COX10: variants seen among roughly 807,000 people sequenced by gnomAD.
COX10 encodes protoheme IX farnesyltransferase, mitochondrial.
In COX10, 27 loss-of-function variants were observed where a neutral mutation model predicts 37.3. The ratio of observed to expected loss-of-function variants is 0.72; its 90% CI spans 0.53 to 1.00. The LOEUF is 1.00. Ranked by LOEUF, COX10 falls within the 50% of genes least tolerant of loss-of-function variation. COX10 has a pLI of 0.00. For synonymous variants in COX10, 222 were observed against 229.1 expected, an observed-to-expected ratio of 0.97 and a Z score of 0.28; for missense variants, 475 against 563.2, an observed-to-expected ratio of 0.84 and a Z score of 1.59.
At chr17:14,181,696 G>A (rs1346776616) in intron 5 of COX10, among the ~76,000 whole-genome samples, 1 of 152,180 alleles carries the variant, frequency 6.6e-6, no homozygotes, top group Non-Finnish European at 1.5e-5. Context: ...GTATGTGTCT[G>A]TCACGTGGCA....
At chr17:14,073,046 G>T (rs1915061887) in intron 1 of COX10, among the ~76,000 whole-genome samples, 1 of 152,350 alleles carries the variant, frequency 6.6e-6, no homozygotes, top group South Asian at 2.1e-4. Flanking sequence ...TGAACAAATT[G>T]TGAAACGTGT....
chr17:14,078,359 T>C (rs1374841610), intron 3 of COX10, among the ~76,000 whole-genome samples: 1 of 152,172 alleles, frequency 6.6e-6, no homozygotes, highest in Non-Finnish European at 1.5e-5. Flanking sequence ...CAGCAGGAGC[T>C]TCATGTGTGC....
chr17:14,178,978 GC>G (rs1443550119), intron 5 of COX10, among the ~76,000 whole-genome samples: 2 of 152,200 alleles, frequency 1.3e-5, no homozygotes, highest in Non-Finnish European at 2.9e-5. Flanking sequence ...ACTTTACGTG[GC>G]ACTTGGCCAG....
At chr17:14,087,142 T>C (rs1345271618) in intron 3 of COX10, among the ~76,000 whole-genome samples, 3 of 152,348 alleles carry the variant, frequency 2.0e-5, no homozygotes, top group South Asian at 2.1e-4. Flanking sequence ...CTTCTGAGTG[T>C]TGTGGACAGA....
chr17:14,088,639 A>G (rs1283780974), intron 3 of COX10, among the ~76,000 whole-genome samples: 5 of 152,338 alleles, frequency 3.3e-5, no homozygotes, highest in Admixed American at 2.6e-4. Flanking sequence ...ACTTTAAAGA[A>G]GAAAAAAAAC....
At chr17:14,203,152 A>G (rs1906595170) in intron 6 of COX10, among the ~76,000 whole-genome samples, 2 of 152,134 alleles carry the variant, frequency 1.3e-5, no homozygotes, top group Admixed American at 1.3e-4. Context: ...TTACCAGGTT[A>G]ATGGATTCAA....
chr17:14,155,631 C>T (rs896787854), intron 4 of COX10, among the ~76,000 whole-genome samples: 119 of 151,400 alleles, frequency 7.9e-4, no homozygotes, highest in Admixed American at 7.5e-3. Context: ...AGGAGAATGG[C>T]GTGAACCCAG....
At position 14,094,590 on chromosome 17, in the gene COX10, A is replaced by G. The variant is rs116565223; in HGVS notation, c.500-7528A>G. ...TCATTATTATTTTTAGTCTACATTTATTAAAGGGTTGCTATCTGTTCACTC... is the reference window on the plus strand; with the variant it reads ...TCATTATTATTTTTAGTCTACATTTGTTAAAGGGTTGCTATCTGTTCACTC... On this transcript the variant is annotated intron_variant, in intron 3 of 6. Coordinates refer to ENST00000261643, the MANE Select transcript of COX10 (RefSeq NM_001303.4). Among the ~76,000 whole-genome samples the G allele has an allele frequency of 7.6e-3, 1,158 of 152,296 alleles. 15 individuals are homozygous for G. The highest frequency in any genetic ancestry group is 0.026 in the African/African-American group (1,090 of 41,552).
At chr17:14,205,830 G>T (rs1263809221) in intron 6 of COX10, among the ~76,000 whole-genome samples, 1 of 152,142 alleles carries the variant, frequency 6.6e-6, no homozygotes, top group African/African-American at 2.4e-5. Flanking sequence ...ATTAAATGGG[G>T]CAAACTATGA....
intron 5 of COX10, among the ~76,000 whole-genome samples, chr17:14,169,133 GA>G (rs1464579746): frequency 2.0e-5 from 3 of 152,178 alleles, no homozygotes; most frequent in Non-Finnish European, 4.4e-5. Context: ...TTGCTGCTTA[GA>G]AATTTCTTCT....
chr17:14,182,340 C>T (rs188078665), intron 5 of COX10: 39 of 903,012 alleles, frequency 4.3e-5, no homozygotes, highest in African/African-American at 4.3e-4. Context: ...ACAGTCTCCA[C>T]GTTCTGAATG....
chr17:14,083,432 C>T (rs1460572323), intron 3 of COX10, among the ~76,000 whole-genome samples: 1 of 152,220 alleles, frequency 6.6e-6, no homozygotes, highest in Non-Finnish European at 1.5e-5. Context: ...TCATTTATAG[C>T]TAATGATAGC....
Position 14,207,147 on chromosome 17 carries a change from G to T in COX10, c.1266G>T (p.Leu422=). ...GCAGCCTGTGGCACCTGCCGCTGCT[G>T]CTGCTGCTCATGCTCACCTGCAAGC... is the stretch of plus-strand genomic sequence containing the variant. ...FFCSLWHLPL[L]LLLMLTCKRP... Residue 422 remains leucine (L), a synonymous_variant, in exon 7 of 7, where the codon CTG becomes CTT. Coordinates refer to ENST00000261643, the MANE Select transcript of COX10 (RefSeq NM_001303.4). 6.2e-7 allele frequency: 1 copy of T among 1,613,124 alleles called. No individual in the cohort carries two copies. Among genetic ancestry groups the T allele is most frequent in the Non-Finnish European group, 8.5e-7 (1 of 1,179,824 alleles).
In COX10 at chr17:14,069,661, C is replaced by T. The variant is rs1914965535; in HGVS notation, c.43+13C>T. ...CGCCTCCTGACAGGTACTGTACCCGCCTTGGGCACGACCTTGGGGGAAATT... is the reference window on the plus strand; with the variant it reads ...CGCCTCCTGACAGGTACTGTACCCGTCTTGGGCACGACCTTGGGGGAAATT... On this transcript the variant is annotated intron_variant, in intron 1 of 6. Coordinates refer to ENST00000261643, the MANE Select transcript of COX10 (RefSeq NM_001303.4). 3.1e-6 allele frequency: 5 copies of T among 1,613,974 alleles called. No individual in the cohort carries two copies. Among genetic ancestry groups the T allele is most frequent in the Non-Finnish European group, 4.2e-6 (5 of 1,180,004 alleles).
chr17:14,151,638 G>A (rs957424723), intron 4 of COX10, among the ~76,000 whole-genome samples: 3 of 151,352 alleles, frequency 2.0e-5, no homozygotes, highest in African/African-American at 7.3e-5. Flanking sequence ...CACCTTACAA[G>A]CATTTAAATC....
intron 1 of COX10, among the ~76,000 whole-genome samples, chr17:14,070,186 A>G (rs772076771): frequency 6.6e-6 from 1 of 152,176 alleles, no homozygotes; most frequent in Non-Finnish European, 1.5e-5. Flanking sequence ...GAAACTAGTG[A>G]CAAATGTATA....
chr17:14,165,430 G>A (rs928491713), intron 5 of COX10, among the ~76,000 whole-genome samples: 8 of 152,276 alleles, frequency 5.3e-5, no homozygotes, highest in Non-Finnish European at 1.2e-4. Context: ...TGTTACTGTT[G>A]TAATTGTTTT....
intron 4 of COX10, among the ~76,000 whole-genome samples, chr17:14,119,136 T>G (rs1016856332): frequency 3.3e-5 from 5 of 152,176 alleles, no homozygotes; most frequent in African/African-American, 1.2e-4. Flanking sequence ...CAGTATTTGC[T>G]CATATGCAGA....
In COX10 at chr17:14,105,367, A is replaced by T. The variant is rs113770943; in HGVS notation, c.624+3125A>T. On this transcript the variant is annotated intron_variant, in intron 4 of 6. Coordinates refer to ENST00000261643, the MANE Select transcript of COX10 (RefSeq NM_001303.4). ...AGATCTCTAATTATTTTTAAAGGACAAATTATTGGAAATGAAATTGCTGGG... is the reference window on the plus strand; with the variant it reads ...AGATCTCTAATTATTTTTAAAGGACTAATTATTGGAAATGAAATTGCTGGG... Among the ~76,000 whole-genome samples, 1,153 of 152,292 alleles carry T rather than the reference A, an allele frequency of 7.6e-3. 17 individuals are homozygous for T. Among genetic ancestry groups the T allele is most frequent in the African/African-American group, 0.027 (1,105 of 41,564 alleles).
Sources: allele counts gnomAD v4.1 joint callset (sites outside exome capture counted in the v4.1 genomes callset), GRCh38; gene constraint gnomAD v4.1.1; transcripts MANE v1.5; gene names NCBI Gene and HGNC (gene_info 2026-07-23, HGNC 2026-07-21).